MYO18B: variants seen among roughly 807,000 people sequenced by gnomAD.
MYO18B encodes unconventional myosin-XVIIIb.
Under a neutral mutation model 273.0 loss-of-function variants are expected in MYO18B, and 204 were observed. The observed-to-expected ratio is 0.75, with a 90% CI of 0.67 to 0.84. The LOEUF (loss-of-function observed/expected upper bound fraction) is 0.84. Among genes scored for constraint, MYO18B ranks in the 40% least tolerant of loss-of-function variants. MYO18B has a pLI of 0.00. For missense variants in MYO18B, 3,212 were observed against 3,287.6 expected (o/e 0.98, Z 0.56); for synonymous variants, 1,330 against 1,305.7 (o/e 1.02, Z -0.40).
chr22:25,909,031 A>G (rs1297321707), intron 32 of MYO18B, among the ~76,000 whole-genome samples: 1 of 152,134 alleles, frequency 6.6e-6, no homozygotes, highest in Admixed American at 6.5e-5. Flanking sequence ...ATACAGATCT[A>G]ACTTATATGT....
intron 33 of MYO18B, among the ~76,000 whole-genome samples, chr22:25,920,435 CT>C (rs756288676): frequency 3.5e-4 from 53 of 152,306 alleles, no homozygotes; most frequent in Non-Finnish European, 6.0e-4. Flanking sequence ...TTAACCTGTA[CT>C]TTTTGGCCAC....
At chr22:25,870,499 G>A (rs552885482) in intron 22 of MYO18B, among the ~76,000 whole-genome samples, 8 of 152,162 alleles carry the variant, frequency 5.3e-5, no homozygotes, top group Non-Finnish European at 8.8e-5. Flanking sequence ...GTAAAAATAT[G>A]GTATTATAAT....
chr22:25,798,043 G>A lies in MYO18B; in HGVS notation c.2467G>A (p.Val823Ile), dbSNP rs1465984973. 6.2e-7 allele frequency: 1 copy of A among 1,612,702 alleles called. No homozygotes were observed. Among genetic ancestry groups the A allele is most frequent in the Non-Finnish European group, 8.5e-7 (1 of 1,178,780 alleles). The change falls in exon 12 of 44, where the codon GTT becomes ATT. Residue 823 changes from valine to isoleucine, a missense_variant. Transcript: ENST00000335473. ...CATCTCAGAGAGCGAGCAGCGGGCT[G>A]TTTGGCGGGTCCTGGCAGCCATCTA... The part of the protein sequence containing the change: ...LGISESEQRA[V>I]WRVLAAIYHL...
chr22:25,898,377 A>G lies in MYO18B; in HGVS notation c.4739A>G (p.His1580Arg). Residue 1580 changes from histidine (H) to arginine (R), a missense_variant, in exon 29 of 44, where the codon CAT (histidine) becomes CGT (arginine). Coordinates refer to ENST00000335473, the MANE Select transcript of MYO18B (RefSeq NM_032608.7). ...MAHQLKRKCHHLTCDLEDTCV... is the reference protein window; with the variant it reads ...MAHQLKRKCHRLTCDLEDTCV... Reference sequence around the variant, plus strand: ...CACCAACTGAAGAGGAAGTGCCACCATCTTACCTGTGACCTTGAGGATACC... The same window carrying G: ...CACCAACTGAAGAGGAAGTGCCACCGTCTTACCTGTGACCTTGAGGATACC... 3.1e-6 allele frequency: 5 copies of G among 1,613,982 alleles called. No homozygotes were observed. The South Asian group carries it at 3.3e-5, about 11-fold the overall frequency.
chr22:25,746,917 C>T (rs1161364509), intron 1 of MYO18B, among the ~76,000 whole-genome samples: 3 of 152,026 alleles, frequency 2.0e-5, no homozygotes, highest in South Asian at 2.1e-4. Flanking sequence ...GTCAGGAGAT[C>T]GAGACCATCC....
At chr22:26,001,119 TG>T (rs1479996780) in intron 40 of MYO18B, among the ~76,000 whole-genome samples, 2 of 151,942 alleles carry the variant, frequency 1.3e-5, no homozygotes, top group African/African-American at 4.8e-5. Flanking sequence ...TGATTAAGGG[TG>T]TAACAGTAGT....
intron 34 of MYO18B, among the ~76,000 whole-genome samples, chr22:25,923,299 C>G (rs1412080247): frequency 6.6e-6 from 1 of 152,218 alleles, no homozygotes; most frequent in Non-Finnish European, 1.5e-5. Context: ...CCTGACTTGT[C>G]TGAGACTTTC....
chr22:25,839,153 T>C (rs1363962868), intron 17 of MYO18B, among the ~76,000 whole-genome samples: 1 of 151,748 alleles, frequency 6.6e-6, no homozygotes, highest in East Asian at 1.9e-4. Context: ...TGAGTGTGTA[T>C]ATATGTGTGT....
At chr22:26,056,188 G>A in the MYO18B span, among the ~76,000 whole-genome samples, 6 of 152,258 alleles carry the variant, frequency 3.9e-5, no homozygotes, top group East Asian at 3.9e-4. Context: ...ATCCTCAGCC[G>A]TAGCTGGTTG....
At chr22:25,817,091 C>G (rs2089048172) in intron 12 of MYO18B, among the ~76,000 whole-genome samples, 1 of 152,190 alleles carries the variant, frequency 6.6e-6, no homozygotes, top group African/African-American at 2.4e-5. Context: ...CTCTCGCTCT[C>G]ATTTTGTATC....
rs143726036 is a variant in MYO18B at position 25,771,119 on chromosome 22, G to C, written c.1692+135G>C. The C allele has an allele frequency of 1.8e-5, 12 of 661,340 alleles. No homozygotes were observed. The South Asian group carries it at 2.0e-4, about 11-fold the overall frequency. 41.0% of individuals were successfully genotyped at this position (661,340 alleles called of 1,614,324 possible). On this transcript the variant is annotated intron_variant, in intron 6 of 43. Transcript: ENST00000335473. ...CAATACCATTTTGGCTTGATGCCCT[G>C]GAGGGAGTTATAGTGAAGAACCCCA...
chr22:26,057,808 A>C, the MYO18B span, among the ~76,000 whole-genome samples: 4 of 152,178 alleles, frequency 2.6e-5, no homozygotes, highest in Non-Finnish European at 5.9e-5. Flanking sequence ...CTAATTTTAA[A>C]TGCTAGTTTT....
chr22:26,041,153 C>T, the MYO18B span, among the ~76,000 whole-genome samples: 1 of 151,358 alleles, frequency 6.6e-6, no homozygotes, highest in African/African-American at 2.4e-5. Flanking sequence ...CTTTTAGAGC[C>T]TTTTTTTTCC....
chr22:25,835,443 G>T lies in MYO18B; in HGVS notation c.3208G>T (p.Gly1070Trp), dbSNP rs1297688187. ...AFEKKGAGTE[G>W]SSALRTCEQP... is the part of the protein sequence containing the mutation. ...CGAGAAGAAAGGAGCTGGGACTGAA[G>T]GTAAGGAAGCAGGGGGCTGGGGATG... Residue 1070 changes from glycine to tryptophan, a missense_variant and splice_region_variant, in exon 17 of 44, where the codon GGG becomes TGG. Coordinates refer to ENST00000335473, the MANE Select transcript of MYO18B (RefSeq NM_032608.7). 6.2e-7 allele frequency: 1 copy of T among 1,613,784 alleles called. No individual in the cohort carries two copies. Among genetic ancestry groups the T allele is most frequent in the Admixed American group, 1.7e-5 (1 of 60,022 alleles).
At chr22:25,796,904 C>T (rs780141463) in intron 11 of MYO18B, among the ~76,000 whole-genome samples, 1 of 152,200 alleles carries the variant, frequency 6.6e-6, no homozygotes, top group Non-Finnish European at 1.5e-5. Context: ...GCTTTATCTT[C>T]TCCCCATCTC....
In MYO18B at chr22:25,787,271, C is replaced by T. The variant is rs562380697; in HGVS notation, c.2376+1780C>T. Among the ~76,000 whole-genome samples the T allele has an allele frequency of 5.7e-3, 256 of 44,876 alleles. 1 individual carries two copies. Among genetic ancestry groups the T allele is most frequent in the Non-Finnish European group, 8.6e-3 (193 of 22,476 alleles). The allele number at this position is 44,876 out of a possible 152,430, so 29.4% of individuals were successfully genotyped here. On this transcript the variant is annotated intron_variant, in intron 11 of 43. Coordinates refer to ENST00000335473, the MANE Select transcript of MYO18B (RefSeq NM_032608.7). ...CTAAGCCTGTGTGCGTGCAGGCGCG[C>T]GCACACACACACACACACACACACA... is the stretch of plus-strand genomic sequence containing the variant.
chr22:25,965,857 C>T (rs2092972079), intron 39 of MYO18B, among the ~76,000 whole-genome samples: 1 of 152,210 alleles, frequency 6.6e-6, no homozygotes, highest in African/African-American at 2.4e-5. Flanking sequence ...TGAGCCACTT[C>T]CTGCACTCCT....
chr22:25,936,610 G>T (rs2092581473), intron 34 of MYO18B, among the ~76,000 whole-genome samples: 1 of 152,166 alleles, frequency 6.6e-6, no homozygotes, highest in Non-Finnish European at 1.5e-5. Context: ...AAATTAACAT[G>T]TCTTAATCAG....
At chr22:25,967,233 T>A (rs901693484) in intron 39 of MYO18B, among the ~76,000 whole-genome samples, 1 of 152,250 alleles carries the variant, frequency 6.6e-6, no homozygotes, top group Admixed American at 6.5e-5. Flanking sequence ...GGAGAGATAT[T>A]GATTGAATAT....
Sources: gnomAD v4.1 joint callset for allele counts (sites outside exome capture counted in the v4.1 genomes callset) on GRCh38, gnomAD v4.1.1 for gene constraint, MANE v1.5 for transcripts, NCBI Gene and HGNC (gene_info 2026-07-23, HGNC 2026-07-21) for gene names.